The following NALF1 variants were observed in gnomAD, a reference collection of about 807,000 sequenced individuals.
NALF1 encodes the protein family with sequence similarity 155 member A.
Under a neutral mutation model 48.4 loss-of-function variants are expected in NALF1, and 3 were observed. That is an observed-to-expected ratio of 0.06 (90% confidence interval 0.03 to 0.16). The LOEUF is 0.16. Ranked by LOEUF, NALF1 falls within the 10% of genes least tolerant of loss-of-function variation. The pLI is 1.00. For synonymous variants in NALF1, 262 were observed against 245.7 expected (o/e 1.07, Z -0.62); for missense variants, 526 against 571.5 (o/e 0.92, Z 0.81).
chr13:107,169,936 C>A lies in NALF1; in HGVS notation c.*561G>T. 1 of 142,380 alleles carries A rather than the reference C, an allele frequency of 7.0e-6. No individual in the cohort carries two copies. Among genetic ancestry groups the A allele is most frequent in the Non-Finnish European group, 1.5e-5 (1 of 65,412 alleles). 8.8% of individuals were successfully genotyped at this position (142,380 alleles called of 1,614,324 possible). A position where few individuals can be genotyped will look rare whatever the true frequency, so the allele number is the denominator to read the frequency against. On this transcript the variant is annotated 3_prime_UTR_variant, in exon 3 of 3. Transcript: ENST00000375915. ...GTTGGTTCTGTGGGTAGAAGGGAGACTTAGGGATTTTTTTTATTTTTATTT... is the reference window on the plus strand; with the variant it reads ...GTTGGTTCTGTGGGTAGAAGGGAGAATTAGGGATTTTTTTTATTTTTATTT...
intron 1 of NALF1, among the ~76,000 whole-genome samples, chr13:107,671,581 T>C (rs1170704582): frequency 6.6e-6 from 1 of 152,078 alleles, no homozygotes; most frequent in African/African-American, 2.4e-5. Context: ...CACAAAAGAC[T>C]GATGAACGTT....
chr13:107,669,140 C>G (rs550592388), intron 1 of NALF1, among the ~76,000 whole-genome samples: 2 of 151,920 alleles, frequency 1.3e-5, no homozygotes, highest in South Asian at 4.2e-4. Flanking sequence ...TGAACATTAC[C>G]CTAGGCCTAA....
intron 1 of NALF1, among the ~76,000 whole-genome samples, chr13:107,541,437 C>T (rs1444609619): frequency 6.6e-6 from 1 of 151,996 alleles, no homozygotes; most frequent in Non-Finnish European, 1.5e-5. Context: ...ATTCATAACT[C>T]AGAATTCTTG....
chr13:107,618,509 AT>A (rs765372442), intron 1 of NALF1, among the ~76,000 whole-genome samples: 10 of 152,224 alleles, frequency 6.6e-5, no homozygotes, highest in Admixed American at 1.3e-4. Flanking sequence ...CAGAAAATGA[AT>A]TAGAGTCAAA....
chr13:107,790,052 C>A (rs968922514), intron 1 of NALF1, among the ~76,000 whole-genome samples: 66 of 152,142 alleles, frequency 4.3e-4, no homozygotes, highest in African/African-American at 1.5e-3. Context: ...TTACTGCTAT[C>A]TTACAATGCA....
At chr13:107,375,447 C>T (rs1883319852) in intron 1 of NALF1, among the ~76,000 whole-genome samples, 1 of 151,936 alleles carries the variant, frequency 6.6e-6, no homozygotes. Context: ...GTATATTAAA[C>T]AAGCAAAGTC....
intron 1 of NALF1, among the ~76,000 whole-genome samples, chr13:107,772,413 G>T (rs1183801533): frequency 6.6e-6 from 1 of 151,952 alleles, no homozygotes; most frequent in Non-Finnish European, 1.5e-5. Context: ...TGCATTATTA[G>T]AGAGTTTCCA....
intron 1 of NALF1, among the ~76,000 whole-genome samples, chr13:107,606,179 A>G (rs1879061462): frequency 6.6e-6 from 1 of 152,174 alleles, no homozygotes; most frequent in Non-Finnish European, 1.5e-5. Flanking sequence ...ACTAGTGAGC[A>G]CATGGATCAA....
intron 2 of NALF1, among the ~76,000 whole-genome samples, 156 bp from the exon 3 acceptor site, chr13:107,170,942 T>A (rs558180930): frequency 6.6e-6 from 1 of 152,252 alleles, no homozygotes; most frequent in East Asian, 1.9e-4. Context: ...GGATAAAGAG[T>A]CACCCATGGT....
At chr13:107,436,836 T>C (rs989311647) in intron 1 of NALF1, among the ~76,000 whole-genome samples, 1 of 152,130 alleles carries the variant, frequency 6.6e-6, no homozygotes, top group African/African-American at 2.4e-5. Flanking sequence ...AATTAATCTA[T>C]AAAACAATTA....
chr13:107,498,823 C>A (rs1875421936), intron 1 of NALF1, among the ~76,000 whole-genome samples: 1 of 152,036 alleles, frequency 6.6e-6, no homozygotes, highest in African/African-American at 2.4e-5. Flanking sequence ...GAGTTAGAGG[C>A]TGAAAGGGAT....
intron 1 of NALF1, among the ~76,000 whole-genome samples, chr13:107,655,744 A>G (rs546006672): frequency 6.6e-6 from 1 of 152,238 alleles, no homozygotes; most frequent in Admixed American, 6.5e-5. Context: ...GCATCACATT[A>G]CCTGATTTCA....
chr13:107,559,470 C>T (rs1307114232), intron 1 of NALF1, among the ~76,000 whole-genome samples: 1 of 151,832 alleles, frequency 6.6e-6, no homozygotes, highest in Non-Finnish European at 1.5e-5. Context: ...AGTAAAAAAC[C>T]AATAATATCT....
chr13:107,839,905 C>A (rs909158398), intron 1 of NALF1, among the ~76,000 whole-genome samples: 1 of 152,062 alleles, frequency 6.6e-6, no homozygotes, highest in Non-Finnish European at 1.5e-5. Context: ...TATCTCCTTC[C>A]CTTTAATATA....
rs397838456 is a variant in NALF1 at position 107,271,774 on chromosome 13, CTATA to C, written c.916-61023_916-61020del. Among the ~76,000 whole-genome samples, 82 of 27,612 alleles carry C rather than the reference CTATA, an allele frequency of 3.0e-3. 1 individual carries two copies. Among genetic ancestry groups the C allele is most frequent in the African/African-American group, 7.4e-3 (77 of 10,336 alleles). 18.1% of individuals were successfully genotyped at this position (27,612 alleles called of 152,430 possible). On this transcript the variant is annotated intron_variant, in intron 1 of 2. Transcript: ENST00000375915. ...TTCCTTCTCCTCTTTTGCTACTGGACTATATATATATATATATATATATATATAT... is the reference window on the plus strand; with the variant it reads ...TTCCTTCTCCTCTTTTGCTACTGGACTATATATATATATATATATATATAT...
chr13:107,406,900 G>T (rs1228614903), intron 1 of NALF1, among the ~76,000 whole-genome samples: 1 of 151,866 alleles, frequency 6.6e-6, no homozygotes, highest in East Asian at 1.9e-4. Context: ...AAACAGCATG[G>T]GACTGGTATG....
chr13:107,163,952 T>C lies in NALF1; in HGVS notation c.*6545A>G, dbSNP rs1379373495. 9 of 152,194 alleles carry C rather than the reference T, an allele frequency of 5.9e-5. No individual in the cohort carries two copies. Among genetic ancestry groups the C allele is most frequent in the Non-Finnish European group, 1.3e-4 (9 of 68,028 alleles). 9.4% of individuals were successfully genotyped at this position (152,194 alleles called of 1,614,324 possible). A position where few individuals can be genotyped will look rare whatever the true frequency, so the allele number is the denominator to read the frequency against. On this transcript the variant is annotated 3_prime_UTR_variant, in exon 3 of 3. Coordinates refer to ENST00000375915, the MANE Select transcript of NALF1 (RefSeq NM_001080396.3). ...TAACGTCCATATAGAGCTTTAACTTTTGCTGTAGTTTATATTTCCTATTGT... is the reference window on the plus strand; with the variant it reads ...TAACGTCCATATAGAGCTTTAACTTCTGCTGTAGTTTATATTTCCTATTGT...
Position 107,170,513 on chromosome 13 carries a change from G to A in NALF1, c.1361C>T (p.Ser454Leu). 6.2e-7 allele frequency: 1 copy of A among 1,601,138 alleles called. No individual in the cohort carries two copies. The highest frequency in any genetic ancestry group is 1.1e-5 in the South Asian group (1 of 90,938). Residue 454 changes from serine (S) to leucine (L), a missense_variant, in exon 3 of 3, where the codon TCA becomes TTA. Physicochemically the swap from Ser to Leu is moderately radical, Grantham distance 145 (BLOSUM62 -2). Transcript: ENST00000375915. ...GTCCTTCCGTTACTCCTCATTGGTT[G>A]AGTTTTCTTCCAGCGTGTTGATGCC... is the stretch of plus-strand genomic sequence containing the variant. ...FGGINTLEENSTNEE is the reference protein window; with the variant it reads ...FGGINTLEENLTNEE
chr13:107,721,359 T>A (rs531059095), intron 1 of NALF1, among the ~76,000 whole-genome samples: 10 of 152,274 alleles, frequency 6.6e-5, no homozygotes, highest in South Asian at 4.1e-4. Context: ...ACTGTGACAG[T>A]CCTTCCAGAA....
Sources: allele counts gnomAD v4.1 joint callset (sites outside exome capture counted in the v4.1 genomes callset), GRCh38; gene constraint gnomAD v4.1.1; transcripts MANE v1.5; gene names NCBI Gene and HGNC (gene_info 2026-07-23, HGNC 2026-07-21).